The following LHFPL2 variants were observed in gnomAD, a reference collection of about 807,000 sequenced individuals.
LHFPL2 encodes the protein LHFPL tetraspan subfamily member 2.
Under a neutral mutation model 17.5 loss-of-function variants are expected in LHFPL2, and 7 were observed. The observed-to-expected ratio is 0.40, with a 90% CI of 0.23 to 0.75. LHFPL2 has a LOEUF of 0.75. Ranked by LOEUF, LHFPL2 falls within the 30% of genes least tolerant of loss-of-function variation. The probability of loss-of-function intolerance (pLI) is 0.37; values close to 1 mark genes in which losing one functional copy is unlikely to be tolerated. For missense variants in LHFPL2, 241 were observed against 294.8 expected, an observed-to-expected ratio of 0.82 and a Z score of 1.34; for synonymous variants, 134 against 116.2, an observed-to-expected ratio of 1.15 and a Z score of -0.99.
intron 1 of LHFPL2, among the ~76,000 whole-genome samples, chr5:78,644,067 G>A (rs1561379757): frequency 6.6e-6 from 1 of 152,008 alleles, no homozygotes; most frequent in Admixed American, 6.6e-5. Context: ...ATCTCAAAAG[G>A]AAAATAAAAT....
chr5:78,548,836 C>T (rs982652298), intron 3 of LHFPL2, among the ~76,000 whole-genome samples: 7 of 152,214 alleles, frequency 4.6e-5, no homozygotes, highest in African/African-American at 1.7e-4. Flanking sequence ...ATTCAGGTTT[C>T]TGGAAAACTC....
intron 3 of LHFPL2, among the ~76,000 whole-genome samples, chr5:78,536,807 C>T (rs1755962039): frequency 6.6e-6 from 1 of 152,210 alleles, no homozygotes; most frequent in Non-Finnish European, 1.5e-5. Context: ...GCCACCACCA[C>T]CATGCAGCAA....
At chr5:78,626,882 ACCAGCCTGG>A (rs1242827896) in intron 2 of LHFPL2, among the ~76,000 whole-genome samples, 2 of 151,950 alleles carry the variant, frequency 1.3e-5, no homozygotes, top group Non-Finnish European at 2.9e-5. Flanking sequence ...GGAGTTCGAG[ACCAGCCTGG>A]CCAACATGGT....
intron 4 of LHFPL2, among the ~76,000 whole-genome samples, chr5:78,496,414 G>A (rs1254110242): frequency 2.0e-5 from 3 of 152,176 alleles, no homozygotes; most frequent in African/African-American, 7.2e-5. Context: ...GGCCCTTTTA[G>A]GAACATAGCA....
In LHFPL2 at chr5:78,487,845, C is replaced by G. The variant is rs1281966643; in HGVS notation, c.*1052G>C. The stretch of plus-strand genomic sequence containing the variant: ...CTGCTTTCAGGATCAACACCAGTAA[C>G]TACAAAAACTTAACTCCCATAACTA... On this transcript the variant is annotated 3_prime_UTR_variant, in exon 5 of 5. Coordinates refer to ENST00000380345, the MANE Select transcript of LHFPL2 (RefSeq NM_005779.3). 1 of 152,202 alleles carries G rather than the reference C, an allele frequency of 6.6e-6. No individual in the cohort carries two copies. Among genetic ancestry groups the G allele is most frequent in the East Asian group, 1.9e-4 (1 of 5,204 alleles). The allele number at this position is 152,202 out of a possible 1,614,324, so 9.4% of individuals were successfully genotyped here.
At chr5:78,489,969 C>T (rs1395558040) in intron 4 of LHFPL2, among the ~76,000 whole-genome samples, 1 of 152,224 alleles carries the variant, frequency 6.6e-6, no homozygotes. Context: ...TGATTAAATG[C>T]AAGAGCAAGG....
intron 3 of LHFPL2, among the ~76,000 whole-genome samples, chr5:78,552,245 T>C (rs1756464850): frequency 1.3e-5 from 2 of 152,010 alleles, no homozygotes; most frequent in South Asian, 4.2e-4. Flanking sequence ...GCCATTCTCC[T>C]GCCTCAGCCT....
At chr5:78,542,718 T>G (rs148738845) in intron 3 of LHFPL2, among the ~76,000 whole-genome samples, 1 of 152,130 alleles carries the variant, frequency 6.6e-6, no homozygotes, top group Non-Finnish European at 1.5e-5. Flanking sequence ...TGGGCCACTT[T>G]GATGGTATAG....
intron 2 of LHFPL2, among the ~76,000 whole-genome samples, chr5:78,589,304 A>T (rs555251216): frequency 2.0e-5 from 3 of 151,890 alleles, no homozygotes; most frequent in African/African-American, 7.3e-5. Flanking sequence ...CCCCATTTCT[A>T]CTCAAAATAA....
At chr5:78,502,010 G>A (rs1223196411) in intron 4 of LHFPL2, among the ~76,000 whole-genome samples, 1 of 151,698 alleles carries the variant, frequency 6.6e-6, no homozygotes, top group Non-Finnish European at 1.5e-5. Flanking sequence ...AAAAAAAAAA[G>A]AAGCTTGCAT....
chr5:78,581,131 T>C (rs1383442036), intron 2 of LHFPL2, among the ~76,000 whole-genome samples: 11 of 152,234 alleles, frequency 7.2e-5, no homozygotes, highest in Non-Finnish European at 1.6e-4. Context: ...AGTTCACTCA[T>C]GATTTGGCTC....
chr5:78,497,269 C>CT (rs1754635493), intron 4 of LHFPL2, among the ~76,000 whole-genome samples: 1 of 139,654 alleles, frequency 7.2e-6, no homozygotes, highest in African/African-American at 2.6e-5. Flanking sequence ...GCTAACTCCT[C>CT]TATCTCCTTT....
chr5:78,537,126 C>T (rs1202353087), intron 3 of LHFPL2, among the ~76,000 whole-genome samples: 2 of 152,158 alleles, frequency 1.3e-5, no homozygotes, highest in African/African-American at 2.4e-5. Flanking sequence ...AGAAGCGCTG[C>T]TCTACGACTG....
chr5:78,609,517 A>G (rs751531423), intron 2 of LHFPL2, among the ~76,000 whole-genome samples: 41 of 151,672 alleles, frequency 2.7e-4, no homozygotes, highest in Non-Finnish European at 5.2e-4. Context: ...ACATCTATAC[A>G]ATGGAATATT....
At chr5:78,605,895 T>C (rs1384606074) in intron 2 of LHFPL2, among the ~76,000 whole-genome samples, 1 of 152,228 alleles carries the variant, frequency 6.6e-6, no homozygotes, top group Non-Finnish European at 1.5e-5. Flanking sequence ...TTCACACACA[T>C]GCTATTTAAC....
At chr5:78,644,663 T>C in intron 1 of LHFPL2, 1 of 317,036 alleles carries the variant, frequency 3.2e-6, no homozygotes, top group Non-Finnish European at 6.2e-6. Flanking sequence ...ATCTTTGACA[T>C]GTCTTCAAAT....
intron 2 of LHFPL2, among the ~76,000 whole-genome samples, chr5:78,571,888 T>G (rs1475768606): frequency 6.6e-6 from 1 of 152,234 alleles, no homozygotes; most frequent in African/African-American, 2.4e-5. Flanking sequence ...CACTAGGATG[T>G]AAGCTCCCTG....
intron 2 of LHFPL2, among the ~76,000 whole-genome samples, chr5:78,630,343 C>T (rs545430932): frequency 1.3e-5 from 2 of 152,306 alleles, no homozygotes; most frequent in African/African-American, 4.8e-5. Context: ...TGGTGTGACA[C>T]AAACATTCAG....
rs1049840249 is a variant in LHFPL2 at position 78,488,019 on chromosome 5, AGCTAGCTTGG to A, written c.*868_*877del. On this transcript the variant is annotated 3_prime_UTR_variant, in exon 5 of 5. Coordinates refer to ENST00000380345, the MANE Select transcript of LHFPL2 (RefSeq NM_005779.3). ...CCCAGTGAACATCTGCATAAGCCACAGCTAGCTTGGAGACCTCAGTCCCTGGAAGGAGGAA... is the reference window on the plus strand; with the variant it reads ...CCCAGTGAACATCTGCATAAGCCACAAGACCTCAGTCCCTGGAAGGAGGAA... 2 of 95,828 alleles carry A rather than the reference AGCTAGCTTGG, an allele frequency of 2.1e-5. No homozygotes were observed. The highest frequency in any genetic ancestry group is 4.6e-5 in the Non-Finnish European group (2 of 43,360). The allele number at this position is 95,828 out of a possible 1,614,324, so 5.9% of individuals were successfully genotyped here. A position where few individuals can be genotyped will look rare whatever the true frequency, so the allele number is the denominator to read the frequency against.
Sources: gnomAD v4.1 joint callset for allele counts (sites outside exome capture counted in the v4.1 genomes callset) on GRCh38, gnomAD v4.1.1 for gene constraint, MANE v1.5 for transcripts, NCBI Gene and HGNC (gene_info 2026-07-23, HGNC 2026-07-21) for gene names.